The following MSI2 variants were observed in gnomAD, a reference collection of about 807,000 sequenced individuals.
MSI2 encodes the protein RNA-binding protein Musashi homolog 2.
In MSI2, 17 loss-of-function variants were observed where a neutral mutation model predicts 45.6. The observed-to-expected ratio is 0.37, with a 90% CI of 0.26 to 0.56. The LOEUF (loss-of-function observed/expected upper bound fraction) is 0.56. Ranked by LOEUF, MSI2 falls within the 20% of genes least tolerant of loss-of-function variation. MSI2 has a pLI of 0.77. For missense variants in MSI2, 293 were observed against 444.2 expected (o/e 0.66, Z 3.06); for synonymous variants, 156 against 158.2 (o/e 0.99, Z 0.11).
At chr17:57,519,900 G>A (rs2086548635) in intron 6 of MSI2, among the ~76,000 whole-genome samples, 1 of 152,074 alleles carries the variant, frequency 6.6e-6, no homozygotes, top group Non-Finnish European at 1.5e-5. Context: ...CTGTAAAATG[G>A]GTGTATGATG....
intron 4 of MSI2, among the ~76,000 whole-genome samples, chr17:57,261,830 T>C (rs1907337381): frequency 6.6e-6 from 1 of 152,220 alleles, no homozygotes; most frequent in African/African-American, 2.4e-5. Flanking sequence ...TAGATGTAGA[T>C]ACCATTTAAT....
chr17:57,289,024 T>C (rs1468942415), intron 5 of MSI2, among the ~76,000 whole-genome samples: 8 of 152,226 alleles, frequency 5.3e-5, no homozygotes, highest in African/African-American at 1.9e-4. Flanking sequence ...AGGTCACTTC[T>C]CTATAAGAAG....
Position 57,530,622 on chromosome 17 carries a change from T to A in MSI2, c.454+898T>A, listed in dbSNP as rs150077271. On this transcript the variant is annotated intron_variant, in intron 7 of 13. Transcript: ENST00000284073. ...GGGGTGGCAGGAAATGGTGTGCTGG[T>A]GCCCTCAAGGGAGGGAGCCTGTGAG... 3.9e-5 allele frequency among the ~76,000 whole-genome samples: 6 copies of A among 152,302 alleles called. No homozygotes were observed. In the East Asian group the frequency reaches 1.2e-3, roughly 29 times the overall value.
intron 7 of MSI2, among the ~76,000 whole-genome samples, chr17:57,583,772 C>A (rs2088271500): frequency 6.6e-6 from 1 of 152,182 alleles, no homozygotes; most frequent in East Asian, 1.9e-4. Context: ...CCAAACCCAA[C>A]CTCCCAAAGT....
chr17:57,438,741 C>G (rs2084738389), intron 6 of MSI2, among the ~76,000 whole-genome samples: 1 of 151,740 alleles, frequency 6.6e-6, no homozygotes, highest in South Asian at 2.1e-4. Context: ...AGAGCAGACC[C>G]ATGGCAATCC....
chr17:57,335,074 T>C (rs1914592542), intron 5 of MSI2, among the ~76,000 whole-genome samples: 1 of 152,160 alleles, frequency 6.6e-6, no homozygotes, highest in South Asian at 2.1e-4. Flanking sequence ...TCATGACTAT[T>C]TTTTTGCACT....
At chr17:57,416,845 A>G (rs2084303899) in intron 6 of MSI2, among the ~76,000 whole-genome samples, 1 of 152,216 alleles carries the variant, frequency 6.6e-6, no homozygotes, top group Admixed American at 6.5e-5. Flanking sequence ...GTCTCTTATC[A>G]GCTGCTGTTG....
intron 6 of MSI2, among the ~76,000 whole-genome samples, chr17:57,495,060 G>A (rs1030645703): frequency 6.6e-6 from 1 of 152,162 alleles, no homozygotes; most frequent in African/African-American, 2.4e-5. Context: ...ACCAGGCTGG[G>A]CTGCAGGGAG....
chr17:57,660,159 CT>C (rs1419359245), intron 11 of MSI2, among the ~76,000 whole-genome samples: 1 of 152,294 alleles, frequency 6.6e-6, no homozygotes, highest in Admixed American at 6.5e-5. Context: ...CTTCGCCCTC[CT>C]TCTCATTTCA....
chr17:57,340,029 G>A (rs1914999645), intron 5 of MSI2, among the ~76,000 whole-genome samples: 1 of 152,190 alleles, frequency 6.6e-6, no homozygotes, highest in Admixed American at 6.5e-5. Flanking sequence ...GCCCACCTGG[G>A]CTCAAGTGTG....
chr17:57,520,173 G>A (rs1598358463), intron 6 of MSI2, among the ~76,000 whole-genome samples: 1 of 152,172 alleles, frequency 6.6e-6, no homozygotes, highest in Non-Finnish European at 1.5e-5. Flanking sequence ...GTAAATGGTA[G>A]TTATTATAAC....
intron 8 of MSI2, 39 bp from the exon 9 acceptor site, chr17:57,615,931 T>C: frequency 3.4e-6 from 5 of 1,467,664 alleles, no homozygotes; most frequent in Non-Finnish European, 4.8e-6. Flanking sequence ...TTACGTGGAA[T>C]TCATTTGCAT....
chr17:57,562,811 G>T (rs182728638), intron 7 of MSI2, among the ~76,000 whole-genome samples: 1 of 151,912 alleles, frequency 6.6e-6, no homozygotes, highest in Non-Finnish European at 1.5e-5. Context: ...TTAAAAATGC[G>T]TACAGGCCGG....
intron 5 of MSI2, among the ~76,000 whole-genome samples, chr17:57,290,241 A>G (rs1910289249): frequency 1.3e-5 from 2 of 152,238 alleles, no homozygotes; most frequent in East Asian, 1.9e-4. Context: ...CTGAGCCTAT[A>G]GCCTGGCCAG....
intron 9 of MSI2, among the ~76,000 whole-genome samples, chr17:57,622,910 A>G (rs928403076): frequency 6.6e-6 from 1 of 152,210 alleles, no homozygotes; most frequent in African/African-American, 2.4e-5. Flanking sequence ...GTGCAGTCCA[A>G]TAGAACTTCC....
intron 10 of MSI2, among the ~76,000 whole-genome samples, chr17:57,633,775 A>T (rs931462697): frequency 6.6e-6 from 1 of 152,184 alleles, no homozygotes; most frequent in African/African-American, 2.4e-5. Context: ...AAGGGATAAC[A>T]TGTGCATGAA....
rs183508395 is a variant in MSI2, at chr17:57,484,767, C to T, written c.406-44909C>T. On this transcript the variant is annotated intron_variant, in intron 6 of 13. Transcript: ENST00000284073. ...GGCTACTCATGGCCTTGGCTTCCGT[C>T]CTCTCTCAGACCACCCATGGTTGTT... Among the ~76,000 whole-genome samples, 20 of 152,302 alleles carry T rather than the reference C, an allele frequency of 1.3e-4. No individual in the cohort carries two copies. The East Asian group carries it at 3.9e-3, about 29-fold the overall frequency.
chr17:57,298,226 C>T (rs150472697), intron 5 of MSI2, among the ~76,000 whole-genome samples: 16 of 152,268 alleles, frequency 1.1e-4, no homozygotes, highest in East Asian at 9.6e-4. Flanking sequence ...CCCTGATCCA[C>T]GGTTGCAGAA....
intron 5 of MSI2, among the ~76,000 whole-genome samples, chr17:57,282,643 G>T (rs1050591153): frequency 6.6e-6 from 1 of 152,056 alleles, no homozygotes; most frequent in Non-Finnish European, 1.5e-5. Context: ...AGTAGGTAGG[G>T]GTGGATAGGG....
Sources: allele counts gnomAD v4.1 joint callset (sites outside exome capture counted in the v4.1 genomes callset), GRCh38; gene constraint gnomAD v4.1.1; transcripts MANE v1.5; gene names NCBI Gene and HGNC (gene_info 2026-07-23, HGNC 2026-07-21).